The following COL4A2 variants were observed in gnomAD, a reference collection of about 807,000 sequenced individuals.
The protein encoded by COL4A2 is collagen type IV alpha 2 chain, also known as collagen alpha-2(IV) chain.
Under a neutral mutation model 200.2 loss-of-function variants are expected in COL4A2, and 99 were observed. The ratio of observed to expected loss-of-function variants is 0.49; its 90% CI spans 0.42 to 0.58. The LOEUF (loss-of-function observed/expected upper bound fraction) is 0.58, where lower values mean the gene tolerates loss of function less well. Ranked by LOEUF, COL4A2 falls within the 20% of genes least tolerant of loss-of-function variation. The pLI is 0.00. For missense variants in COL4A2, 1,950 were observed against 2,314.1 expected (o/e 0.84, Z 3.23); for synonymous variants, 897 against 900.6 (o/e 1.00, Z 0.07).
chr13:110,379,097 C>G (rs986927843), intron 4 of COL4A2, among the ~76,000 whole-genome samples: 2 of 152,200 alleles, frequency 1.3e-5, no homozygotes, highest in African/African-American at 4.8e-5. Flanking sequence ...GTGGCTGCAC[C>G]AGGGCTTCTT....
rs776751678 is a variant in COL4A2 at position 110,467,111 on chromosome 13, G to T, written c.2095+15G>T. The T allele has an allele frequency of 5.6e-6, 9 of 1,613,878 alleles. No individual in the cohort carries two copies. The highest frequency in any genetic ancestry group is 7.6e-6 in the Non-Finnish European group (9 of 1,179,878). Reference sequence around the variant, plus strand: ...AGGCCCCACAGGTAATGCACGGAGGGAACCTGGAGTGCACCCAGCCTTCCT... The same window carrying T: ...AGGCCCCACAGGTAATGCACGGAGGTAACCTGGAGTGCACCCAGCCTTCCT... On this transcript the variant is annotated intron_variant, in intron 27 of 47. Transcript: ENST00000360467.
intron 4 of COL4A2, among the ~76,000 whole-genome samples, chr13:110,385,134 T>C (rs941005286): frequency 6.7e-6 from 1 of 150,306 alleles, no homozygotes; most frequent in Non-Finnish European, 1.5e-5. Context: ...CAGTGGCGGG[T>C]GCCTGTAGTC....
chr13:110,403,281 A>G (rs1162084990), intron 4 of COL4A2, among the ~76,000 whole-genome samples: 1 of 152,184 alleles, frequency 6.6e-6, no homozygotes, highest in Non-Finnish European at 1.5e-5. Context: ...GATAAATTCC[A>G]TCTTTAATTT....
intron 3 of COL4A2, among the ~76,000 whole-genome samples, chr13:110,331,020 A>G (rs1173872276): frequency 6.6e-6 from 1 of 152,024 alleles, no homozygotes; most frequent in Non-Finnish European, 1.5e-5. Flanking sequence ...CTGGGTGTTC[A>G]GATTCTCTTA....
chr13:110,511,954 AGGCG>A lies in COL4A2; in HGVS notation c.4904_4907del (p.Gly1635ValfsTer12). ...TGCAGCACACGGCGGCGGGAGACGA[AGGCG>A]GTGGCCAATCACTGGTGTCACCGGG... On this transcript the variant is annotated frameshift_variant, in exon 48 of 48. Transcript: ENST00000360467. LOFTEE classifies it high-confidence loss of function. 1 of 1,613,526 alleles carries A rather than the reference AGGCG, an allele frequency of 6.2e-7. No individual in the cohort carries two copies. Among genetic ancestry groups the A allele is most frequent in the Non-Finnish European group, 8.5e-7 (1 of 1,180,028 alleles).
At position 110,467,088 on chromosome 13, in the gene COL4A2, G is replaced by GC; in HGVS notation, c.2091dup (p.Thr698HisfsTer16). On this transcript the variant is annotated frameshift_variant, in exon 27 of 48. Transcript: ENST00000360467. LOFTEE classifies it high-confidence loss of function. ...TTGCCAGGCCTGCCAGGACCCCCAG[G>GC]CCCCACAGGTAATGCACGGAGGGAA... 6.2e-7 allele frequency: 1 copy of GC among 1,614,018 alleles called. No homozygotes were observed. Among genetic ancestry groups the GC allele is most frequent in the Non-Finnish European group, 8.5e-7 (1 of 1,179,994 alleles).
intron 4 of COL4A2, among the ~76,000 whole-genome samples, chr13:110,390,459 G>T (rs984779448): frequency 6.6e-6 from 1 of 152,244 alleles, no homozygotes; most frequent in Non-Finnish European, 1.5e-5. Flanking sequence ...GGAGTCTGTG[G>T]GTGGGACCCC....
At position 110,453,686 on chromosome 13, in the gene COL4A2, A is replaced by C. The variant is rs1881622602; in HGVS notation, c.1339+3232A>C. Among the ~76,000 whole-genome samples, 4 of 152,156 alleles carry C rather than the reference A, an allele frequency of 2.6e-5. No homozygotes were observed. The South Asian group carries it at 8.3e-4, about 32-fold the overall frequency. ...TCAACTGCGAACAATTTAATTTCTG[A>C]TCTGTAGTGTGGGCTGATGAGGAAA... On this transcript the variant is annotated intron_variant, in intron 20 of 47. Transcript: ENST00000360467.
chr13:110,343,114 C>T (rs1024156141), intron 3 of COL4A2, among the ~76,000 whole-genome samples: 1 of 152,172 alleles, frequency 6.6e-6, no homozygotes, highest in African/African-American at 2.4e-5. Context: ...GCAATCTTTG[C>T]AACTTCATAC....
chr13:110,444,535 A>G (rs766280343), intron 16 of COL4A2, among the ~76,000 whole-genome samples: 12 of 152,190 alleles, frequency 7.9e-5, no homozygotes, highest in Non-Finnish European at 1.5e-4. Flanking sequence ...CCGGGTCCAA[A>G]CCACAGGACC....
Position 110,506,407 on chromosome 13 carries a change from G to A in COL4A2, c.4403-8G>A, listed in dbSNP as rs1271522986. Reference sequence around the variant, plus strand: ...GGCCGTCCACTCTCTCTCTTTCTCGGGCTGCAGGTGCACCAGGCCGTCCAG... The same window carrying A: ...GGCCGTCCACTCTCTCTCTTTCTCGAGCTGCAGGTGCACCAGGCCGTCCAG... On this transcript the variant is annotated splice_region_variant and splice_polypyrimidine_tract_variant and intron_variant, in intron 45 of 47. Transcript: ENST00000360467. 3.1e-6 allele frequency: 5 copies of A among 1,605,446 alleles called. No homozygotes were observed. In the Admixed American group the frequency reaches 8.5e-5, roughly 27 times the overall value.
At chr13:110,335,708 C>T (rs1876150558) in intron 3 of COL4A2, among the ~76,000 whole-genome samples, 1 of 152,200 alleles carries the variant, frequency 6.6e-6, no homozygotes, top group South Asian at 2.1e-4. Context: ...CATGACAAGG[C>T]TTGGCCACCC....
intron 4 of COL4A2, among the ~76,000 whole-genome samples, chr13:110,424,505 T>C (rs938483993): frequency 2.2e-5 from 3 of 133,434 alleles, no homozygotes; most frequent in Admixed American, 8.0e-5. Context: ...GACATGACTT[T>C]AGTAATTTAG....
chr13:110,450,507 C>G lies in COL4A2; in HGVS notation c.1339+53C>G, dbSNP rs769152404. 2.2e-5 allele frequency: 35 copies of G among 1,589,696 alleles called. No individual in the cohort carries two copies. In the African/African-American group the frequency reaches 3.8e-4, roughly 17 times the overall value. ...TGTAGCCTAATGTTCAGATGAAGCC[C>G]GGTCCCAGCCGGATGTTATTTGGGA... On this transcript the variant is annotated intron_variant, in intron 20 of 47. Transcript: ENST00000360467.
At chr13:110,320,220 G>A (rs1198150299) in intron 3 of COL4A2, among the ~76,000 whole-genome samples, 1 of 152,220 alleles carries the variant, frequency 6.6e-6, no homozygotes, top group Non-Finnish European at 1.5e-5. Flanking sequence ...AGGTGGCTAG[G>A]CGGGGCTGGC....
chr13:110,374,126 C>T (rs553357636), intron 4 of COL4A2, among the ~76,000 whole-genome samples: 5 of 152,140 alleles, frequency 3.3e-5, no homozygotes, highest in Non-Finnish European at 7.3e-5. Context: ...GTTGGGTCAG[C>T]ATGCATTGTC....
intron 10 of COL4A2, 145 bp from the exon 11 acceptor site, chr13:110,432,180 C>T (rs1880707628): frequency 9.2e-6 from 10 of 1,081,966 alleles, no homozygotes; most frequent in Non-Finnish European, 1.2e-5. Context: ...GTCATCTCTG[C>T]CAAGCCAAAT....
At position 110,422,475 on chromosome 13, in the gene COL4A2, A is replaced by G. The variant is rs117935512; in HGVS notation, c.181-2259A>G. Among the ~76,000 whole-genome samples the G allele has an allele frequency of 3.2e-4, 48 of 152,324 alleles. No individual in the cohort carries two copies. The East Asian group carries it at 7.1e-3, about 23-fold the overall frequency. ...TTGTAGAATGTTCTCCAAAGACACT[A>G]AAGTGCACAAGCTTCACCACGACTT... On this transcript the variant is annotated intron_variant, in intron 4 of 47. Transcript: ENST00000360467.
intron 13 of COL4A2, 69 bp from the exon 14 acceptor site, chr13:110,437,933 C>T: frequency 4.0e-6 from 5 of 1,239,446 alleles, no homozygotes; most frequent in Non-Finnish European, 6.0e-6. Flanking sequence ...TGTCATGAAC[C>T]CTGATTGATT....
Sources: allele counts gnomAD v4.1 joint callset (sites outside exome capture counted in the v4.1 genomes callset), GRCh38; gene constraint gnomAD v4.1.1; transcripts MANE v1.5; gene names NCBI Gene and HGNC (gene_info 2026-07-23, HGNC 2026-07-21).